The following SEMA4G variants were observed in gnomAD, a reference collection of about 807,000 sequenced individuals.
SEMA4G encodes semaphorin 4G.
In SEMA4G, 59 loss-of-function variants were observed where a neutral mutation model predicts 81.2. That is an observed-to-expected ratio of 0.73 (90% CI 0.59 to 0.90). SEMA4G has a LOEUF of 0.90. SEMA4G is among the 40% of genes least tolerant of loss of function. SEMA4G has a pLI of 0.00. For synonymous variants in SEMA4G, 404 were observed against 433.9 expected, an observed-to-expected ratio of 0.93 and a Z score of 0.86; for missense variants, 952 against 1,102.3, an observed-to-expected ratio of 0.86 and a Z score of 1.93.
At chr10:100,979,466 T>C in intron 8 of SEMA4G, 195 bp downstream of exon 9, 1 of 1,408,832 alleles carries the variant, frequency 7.1e-7, no homozygotes, top group South Asian at 1.4e-5. Flanking sequence ...CACTGCAATC[T>C]CCGCCTCCCG....
rs749297787 is a variant in SEMA4G, at chr10:100,973,155, G to A, written c.151G>A (p.Gly51Ser). The change falls in exon 2 of 14, where the codon GGC becomes AGC. Residue 51 changes from glycine to serine, a missense_variant. By Grantham distance (56) the Gly-to-Ser change is moderately conservative. This residue lies in a region of SEMA4G where 436 missense variants were observed against 488.2 expected (regional missense o/e 0.89). Transcript: ENST00000370250. This position sits in a 1 kb window ranked among gnomAD's most constrained non-coding sequence, Gnocchi z 5.5. ...GCTCTCTGGGACCCGGCACTTCAAG[G>A]GCCAAGCCCAGAACTACTCAACACT... The A allele has an allele frequency of 6.2e-7, 1 of 1,613,984 alleles. No individual in the cohort carries two copies. Among genetic ancestry groups the A allele is most frequent in the Non-Finnish European group, 8.5e-7 (1 of 1,180,036 alleles).
chr10:100,980,051 G>C, intron 9 of SEMA4G, 59 bp downstream of exon 10: 2 of 1,613,680 alleles, frequency 1.2e-6, no homozygotes, highest in Non-Finnish European at 1.7e-6. Context: ...AGGGTCAAAG[G>C]GTCTGGCCTT....
intron 3 of SEMA4G, 138 bp from the exon 5 acceptor site, chr10:100,977,494 G>A (rs1035163008): frequency 9.8e-6 from 7 of 713,238 alleles, no homozygotes; most frequent in Non-Finnish European, 1.8e-5. Context: ...TTCTGGAGCA[G>A]TGAGAAGGAT....
At chr10:100,984,356 A>T in exon 14 of SEMA4G, 3 of 1,444,442 alleles carry the variant, frequency 2.1e-6, no homozygotes, top group Middle Eastern at 2.5e-4. Context: ...TGCTCCTCAG[A>T]GGTAGGTGCT....
chr10:100,978,263 GAACC>G, intron 4 of SEMA4G, 28 bp from the exon 6 acceptor site: 1 of 1,567,862 alleles, frequency 6.4e-7, no homozygotes, highest in Non-Finnish European at 8.7e-7. Flanking sequence ...CCTGTCTTCG[GAACC>G]ACTTACTGCT....
intron 13 of SEMA4G, chr10:100,981,444 G>A: frequency 1.2e-6 from 2 of 1,614,140 alleles, no homozygotes; most frequent in Non-Finnish European, 1.7e-6. Context: ...GATGTGAAGT[G>A]TCTTGTCACT....
chr10:100,981,353 C>T, intron 13 of SEMA4G, 124 bp downstream of exon 14: 1 of 1,606,482 alleles, frequency 6.2e-7, no homozygotes, highest in Non-Finnish European at 8.5e-7. Flanking sequence ...AAGGATGACT[C>T]AAACACAGAG....
At chr10:100,979,853 C>T (rs142303289) in exon 9 of SEMA4G, 2 of 1,613,558 alleles carry the variant, frequency 1.2e-6, no homozygotes, top group Non-Finnish European at 8.5e-7. Context: ...TCTAGGAAGA[C>T]CCTGGAGGCC....
At chr10:100,983,663 G>C in exon 14 of SEMA4G, 1 of 1,613,326 alleles carries the variant, frequency 6.2e-7, no homozygotes, top group Non-Finnish European at 8.5e-7. Context: ...CCATTGCCGC[G>C]CTTGGTGGCC....
chr10:100,972,682 C>T (rs1850666602), exon 1 of SEMA4G: 1 of 511,308 alleles, frequency 2.0e-6, no homozygotes, highest in Non-Finnish European at 3.5e-6. Context: ...TCCTTCTGAC[C>T]TCTTAGCTGG....
At chr10:100,977,203 G>A (rs372800685) in intron 3 of SEMA4G, among the ~76,000 whole-genome samples, 2 of 152,130 alleles carry the variant, frequency 1.3e-5, no homozygotes, top group Admixed American at 6.5e-5. Flanking sequence ...CTGGGATATC[G>A]GGTGGAGAGC....
At chr10:100,978,478 C>G in intron 5 of SEMA4G, 49 bp from the exon 7 acceptor site, 1 of 1,595,448 alleles carries the variant, frequency 6.3e-7, no homozygotes, top group Non-Finnish European at 8.6e-7. Context: ...ATGTCATGTG[C>G]CCTGTTGAAT....
At position 100,973,951 on chromosome 10, in the gene SEMA4G, T is replaced by A. The variant is rs192825067; in HGVS notation, c.336+342T>A. Among the ~76,000 whole-genome samples the A allele has an allele frequency of 5.6e-3, 384 of 69,128 alleles. 7 individuals carry two copies. Among genetic ancestry groups the A allele is most frequent in the African/African-American group, 0.012 (355 of 30,828 alleles). The allele number at this position is 69,128 out of a possible 152,430, so 45.4% of individuals were successfully genotyped here. Reference sequence around the variant, plus strand: ...ATGCCACGCCCAGCTAAGTGTTTTATTTTTTGTAGAAACAGGGTCTTGCTA... The same window carrying A: ...ATGCCACGCCCAGCTAAGTGTTTTAATTTTTGTAGAAACAGGGTCTTGCTA... On this transcript the variant is annotated intron_variant, in intron 3 of 13. Transcript: ENST00000370250. This position sits in a 1 kb window ranked among gnomAD's most constrained non-coding sequence, Gnocchi z 5.5.
Position 100,976,687 on chromosome 10 carries a change from G to C in SEMA4G, c.337-945G>C, listed in dbSNP as rs568082929. Among the ~76,000 whole-genome samples the C allele has an allele frequency of 5.3e-5, 8 of 152,286 alleles. No individual in the cohort carries two copies. In the East Asian group the frequency reaches 1.5e-3, roughly 29 times the overall value. On this transcript the variant is annotated intron_variant, in intron 3 of 13. Coordinates refer to ENST00000370250, the Ensembl canonical transcript of SEMA4G. Reference sequence around the variant, plus strand: ...GAGAGTAGCAAAAGTGTGTTGTTTGGTAAAATATCTCTGGAAGGAAACTTC... The same window carrying C: ...GAGAGTAGCAAAAGTGTGTTGTTTGCTAAAATATCTCTGGAAGGAAACTTC...
At chr10:100,982,740 T>A (rs533663163) in intron 13 of SEMA4G, among the ~76,000 whole-genome samples, 1 of 152,236 alleles carries the variant, frequency 6.6e-6, no homozygotes, top group African/African-American at 2.4e-5. Flanking sequence ...TGCAGTGAGC[T>A]GAGATCACGT....
Position 100,973,326 on chromosome 10 carries a change from G to T in SEMA4G, c.273+49G>T. ...CCCAGAGGGTCTCTATGCTTATCCAGCTCCCTGGGACCTCAACTTCCTTAA... is the reference window on the plus strand; with the variant it reads ...CCCAGAGGGTCTCTATGCTTATCCATCTCCCTGGGACCTCAACTTCCTTAA... On this transcript the variant is annotated intron_variant, in intron 2 of 13. Coordinates refer to ENST00000370250, the Ensembl canonical transcript of SEMA4G. The surrounding 1 kb of genome is among the most constrained non-coding windows in gnomAD (Gnocchi z 5.5). 1.2e-6 allele frequency: 2 copies of T among 1,602,582 alleles called. No individual in the cohort carries two copies. Among genetic ancestry groups the T allele is most frequent in the Non-Finnish European group, 1.7e-6 (2 of 1,176,186 alleles).
upstream of SEMA4G, among the ~76,000 whole-genome samples, chr10:100,970,119 G>A (rs1040388193): frequency 1.3e-5 from 2 of 152,078 alleles, no homozygotes; most frequent in African/African-American, 4.8e-5. Context: ...CTGTTTGAAG[G>A]GTCTCTCCTC....
At chr10:100,970,537 C>T (rs1850600316), upstream of SEMA4G, among the ~76,000 whole-genome samples, 1 of 143,932 alleles carries the variant, frequency 6.9e-6, no homozygotes, top group Non-Finnish European at 1.6e-5. Flanking sequence ...CAGAAGCCTC[C>T]CCCATCACCA....
intron 10 of SEMA4G, 64 bp downstream of exon 11, chr10:100,980,408 A>G (rs1429227764): frequency 4.0e-6 from 6 of 1,510,202 alleles, no homozygotes; most frequent in Non-Finnish European, 5.5e-6. Flanking sequence ...GAATCCATTA[A>G]TTCCTGCCAT....
Sources: allele counts gnomAD v4.1 joint callset (sites outside exome capture counted in the v4.1 genomes callset), GRCh38; gene constraint gnomAD v4.1.1; regional missense constraint gnomAD v4.1.1; non-coding constraint Gnocchi (gnomAD v3.1); transcripts MANE v1.5; gene names NCBI Gene and HGNC (gene_info 2026-07-23, HGNC 2026-07-21).